GALNT17: variants seen among roughly 807,000 people sequenced by gnomAD.
The protein encoded by GALNT17 is polypeptide N-acetylgalactosaminyltransferase 17, also known as UDP-GalNAc:polypeptide N-acetylgalactosaminyltransferase-like 3.
A neutral mutation model predicts 63.7 loss-of-function variants in GALNT17; 29 were observed. The observed-to-expected ratio is 0.46, with a 90% CI of 0.34 to 0.62. The LOEUF is 0.62. Among genes scored for constraint, GALNT17 ranks in the 20% least tolerant of loss-of-function variants. GALNT17 has a pLI of 0.01. For missense variants in GALNT17, 603 were observed against 799.6 expected (o/e 0.75, Z 2.97); for synonymous variants, 305 against 318.3 (o/e 0.96, Z 0.45).
At chr7:71,446,053 T>A (rs1787155791) in intron 5 of GALNT17, among the ~76,000 whole-genome samples, 1 of 152,160 alleles carries the variant, frequency 6.6e-6, no homozygotes, top group Non-Finnish European at 1.5e-5. Context: ...AATCTTAAAT[T>A]ATATGAGGAG....
chr7:71,499,574 A>G (rs535314918), intron 5 of GALNT17, among the ~76,000 whole-genome samples: 11 of 152,338 alleles, frequency 7.2e-5, no homozygotes, highest in Non-Finnish European at 1.6e-4. Flanking sequence ...CGATTGTTTT[A>G]TAATGAGTGC....
At chr7:71,255,378 C>T (rs1001048876) in intron 1 of GALNT17, among the ~76,000 whole-genome samples, 2 of 152,236 alleles carry the variant, frequency 1.3e-5, no homozygotes, top group African/African-American at 4.8e-5. Context: ...GTACCTTTCA[C>T]CTTCCACCAT....
At chr7:71,138,991 TAAAA>T (rs1787837508) in intron 1 of GALNT17, among the ~76,000 whole-genome samples, 1 of 152,088 alleles carries the variant, frequency 6.6e-6, no homozygotes, top group Non-Finnish European at 1.5e-5. Context: ...ATAAATAAAA[TAAAA>T]AAGAAAGTGG....
At chr7:71,598,525 G>A (rs1789920411) in intron 6 of GALNT17, among the ~76,000 whole-genome samples, 1 of 152,080 alleles carries the variant, frequency 6.6e-6, no homozygotes, top group Non-Finnish European at 1.5e-5. Context: ...AGTGTATTTT[G>A]GGGCTTTGTT....
intron 2 of GALNT17, among the ~76,000 whole-genome samples, chr7:71,357,392 A>C (rs1375646902): frequency 6.6e-6 from 1 of 152,168 alleles, no homozygotes. Context: ...GAGGTGGAGC[A>C]GTCTCATCCT....
rs1025333830 is a variant in GALNT17, at chr7:71,497,036, C to T, written c.963-74249C>T. Reference sequence around the variant, plus strand: ...GAGGCTGCAGTGAGCTATGATCAAGCCACTGGTGACACAGTGAGACCCTGA... The same window carrying T: ...GAGGCTGCAGTGAGCTATGATCAAGTCACTGGTGACACAGTGAGACCCTGA... On this transcript the variant is annotated intron_variant, in intron 5 of 10. Transcript: ENST00000333538. 2.6e-5 allele frequency among the ~76,000 whole-genome samples: 4 copies of T among 152,106 alleles called. No individual in the cohort carries two copies. In the South Asian group the frequency reaches 8.3e-4, roughly 31 times the overall value.
At chr7:71,381,164 G>A (rs1792839379) in intron 2 of GALNT17, among the ~76,000 whole-genome samples, 1 of 151,918 alleles carries the variant, frequency 6.6e-6, no homozygotes, top group African/African-American at 2.4e-5. Flanking sequence ...ATTTCACCAT[G>A]TTGGCCAGAC....
intron 1 of GALNT17, among the ~76,000 whole-genome samples, chr7:71,201,945 T>C (rs1323016388): frequency 2.0e-5 from 3 of 152,206 alleles, no homozygotes; most frequent in Admixed American, 6.6e-5. Flanking sequence ...CTTTGGCAGT[T>C]AAATTCTTTA....
At chr7:71,403,535 A>G (rs1263736145) in intron 3 of GALNT17, among the ~76,000 whole-genome samples, 2 of 152,236 alleles carry the variant, frequency 1.3e-5, no homozygotes, top group Non-Finnish European at 2.9e-5. Flanking sequence ...GATGCTAATA[A>G]GAGCTGCTAT....
At chr7:71,609,643 G>A (rs1340073598) in intron 6 of GALNT17, among the ~76,000 whole-genome samples, 2 of 152,102 alleles carry the variant, frequency 1.3e-5, no homozygotes, top group Admixed American at 1.3e-4. Context: ...ATGGAGAATA[G>A]GATATCCACC....
At chr7:71,374,060 T>C (rs935581556) in intron 2 of GALNT17, among the ~76,000 whole-genome samples, 1 of 152,242 alleles carries the variant, frequency 6.6e-6, no homozygotes, top group Non-Finnish European at 1.5e-5. Flanking sequence ...ACATTTATAG[T>C]ATTTTTTAAA....
chr7:71,473,884 A>G (rs984937338), intron 5 of GALNT17, among the ~76,000 whole-genome samples: 1 of 152,194 alleles, frequency 6.6e-6, no homozygotes. Flanking sequence ...TCACAAAAGA[A>G]AGAATTCGGT....
chr7:71,561,175 G>T (rs1789250184), intron 5 of GALNT17, among the ~76,000 whole-genome samples: 1 of 152,044 alleles, frequency 6.6e-6, no homozygotes. Flanking sequence ...ACCATGCCTG[G>T]CTAATTTTTG....
At chr7:71,408,547 G>C (rs572782955) in intron 3 of GALNT17, among the ~76,000 whole-genome samples, 1 of 152,168 alleles carries the variant, frequency 6.6e-6, no homozygotes, top group Non-Finnish European at 1.5e-5. Flanking sequence ...ATTGCCCCAC[G>C]CAGAGGTGGC....
intron 1 of GALNT17, among the ~76,000 whole-genome samples, chr7:71,242,425 C>T (rs957223200): frequency 7.9e-5 from 12 of 151,758 alleles, no homozygotes; most frequent in African/African-American, 2.7e-4. Flanking sequence ...CCTACCACCA[C>T]GCCCGGCTAA....
chr7:71,654,160 C>A (rs1425712327), intron 6 of GALNT17, among the ~76,000 whole-genome samples: 1 of 152,116 alleles, frequency 6.6e-6, no homozygotes, highest in African/African-American at 2.4e-5. Context: ...GGATTACAAG[C>A]ACCTGCCACC....
chr7:71,297,431 C>G (rs1017552783), intron 1 of GALNT17, among the ~76,000 whole-genome samples: 2 of 152,164 alleles, frequency 1.3e-5, no homozygotes, highest in African/African-American at 4.8e-5. Flanking sequence ...GTAATCCCAG[C>G]TACTCAGGAG....
chr7:71,388,236 TGTAA>T lies in GALNT17; in HGVS notation c.426_429del (p.Cys142TrpfsTer19), dbSNP rs1792984582. ...CATTTCCGATCTCTCCTTCCCCAGG[TGTAA>T]GGAGCTCAAGTACTCCAAGGACCTG... On this transcript the variant is annotated frameshift_variant and splice_region_variant, in exon 3 of 11. Coordinates refer to ENST00000333538, the MANE Select transcript of GALNT17 (RefSeq NM_022479.3). LOFTEE classifies it high-confidence loss of function. The T allele has an allele frequency of 5.6e-6, 9 of 1,613,302 alleles. No homozygotes were observed. The highest frequency in any genetic ancestry group is 7.6e-6 in the Non-Finnish European group (9 of 1,179,626).
chr7:71,162,424 CCATCCATCCATT>C lies in GALNT17; in HGVS notation c.238+29396_238+29407del, dbSNP rs767855316. ...TGAGTTCATCCATCCATCCATCCAT[CCATCCATCCATT>C]CATCCATCCATCCAGAATGAGCTAC... On this transcript the variant is annotated intron_variant, in intron 1 of 10. Transcript: ENST00000333538. Among the ~76,000 whole-genome samples the C allele has an allele frequency of 4.0e-3, 599 of 148,684 alleles. 7 individuals carry two copies. The highest frequency in any genetic ancestry group is 0.014 in the African/African-American group (553 of 38,838).
Sources: allele counts gnomAD v4.1 joint callset (sites outside exome capture counted in the v4.1 genomes callset), GRCh38; gene constraint gnomAD v4.1.1; transcripts MANE v1.5; gene names NCBI Gene and HGNC (gene_info 2026-07-23, HGNC 2026-07-21).